The following RPUSD2 variants were observed in gnomAD, a reference collection of about 807,000 sequenced individuals.
RPUSD2 encodes the protein pseudouridylate synthase RPUSD2.
Under a neutral mutation model 41.5 loss-of-function variants are expected in RPUSD2, and 31 were observed. That is an observed-to-expected ratio of 0.75 (90% CI 0.56 to 1.01). The LOEUF (loss-of-function observed/expected upper bound fraction) is 1.01. Ranked by LOEUF, RPUSD2 falls within the 50% of genes least tolerant of loss-of-function variation. The probability of loss-of-function intolerance (pLI) is 0.00; values close to 1 mark genes in which losing one functional copy is unlikely to be tolerated. For missense variants in RPUSD2, 749 were observed against 724.7 expected (o/e 1.03, Z -0.38); for synonymous variants, 305 against 289.7 (o/e 1.05, Z -0.54).
intron 2 of RPUSD2, among the ~76,000 whole-genome samples, chr15:40,573,020 C>CTTTTTTTTTTTTTTTTTT (rs398026953): frequency 5.1e-4 from 49 of 96,740 alleles, no homozygotes; most frequent in South Asian, 1.0e-3. Context: ...CTTTTCTTTT[C>CTTTTTTTTTTTTTTTTTT]TTTTTTTTTT....
chr15:40,572,463 G>T (rs1049370418), intron 2 of RPUSD2, among the ~76,000 whole-genome samples: 1 of 152,012 alleles, frequency 6.6e-6, no homozygotes, highest in Non-Finnish European at 1.5e-5. Flanking sequence ...CTACTCGGGA[G>T]GCTGAGGCAG....
chr15:40,570,475 C>T (rs562036304), intron 1 of RPUSD2, among the ~76,000 whole-genome samples: 44 of 152,288 alleles, frequency 2.9e-4, no homozygotes, highest in African/African-American at 1.0e-3. Context: ...AGCCTATGTT[C>T]CTATAACTAC....
In RPUSD2 at chr15:40,569,942, A is replaced by T. The variant is rs1231087290; in HGVS notation, c.605A>T (p.Lys202Met). Reference sequence around the variant, plus strand: ...GTGCAGGACCTCAACATCGTGCTCAAGGTGGAGTCCTGATGGGGCTGGCCA... The same window carrying T: ...GTGCAGGACCTCAACATCGTGCTCATGGTGGAGTCCTGATGGGGCTGGCCA... The part of the protein sequence containing the change: ...KPVQDLNIVL[K>M]DNDFLRNTVH... Residue 202 changes from lysine (K) to methionine (M), a missense_variant and splice_region_variant, in exon 1 of 3, where the codon AAG (lysine) becomes ATG (methionine). Coordinates refer to ENST00000315616, the MANE Select transcript of RPUSD2 (RefSeq NM_152260.3). 1 of 1,543,464 alleles carries T rather than the reference A, an allele frequency of 6.5e-7. No homozygotes were observed. The highest frequency in any genetic ancestry group is 1.2e-5 in the South Asian group (1 of 84,084).
In RPUSD2 at chr15:40,571,763, T is replaced by C. The variant is rs199748958; in HGVS notation, c.766T>C (p.Phe256Leu). The change falls in exon 2 of 3, where the codon TTC becomes CTC. Residue 256 changes from phenylalanine (F) to leucine (L), a missense_variant. Transcript: ENST00000315616. The part of the protein sequence containing the change: ...CGRFRHNTVI[F>L]ILGKEHQLKE... Reference sequence around the variant, plus strand: ...CCGCTTCCGACACAACACAGTTATCTTCATCCTAGGCAAGGAGCACCAACT... The same window carrying C: ...CCGCTTCCGACACAACACAGTTATCCTCATCCTAGGCAAGGAGCACCAACT... 1 of 1,614,242 alleles carries C rather than the reference T, an allele frequency of 6.2e-7. No individual in the cohort carries two copies. Among genetic ancestry groups the C allele is most frequent in the Non-Finnish European group, 8.5e-7 (1 of 1,180,036 alleles).
At chr15:40,572,547 A>C (rs1891165349) in intron 2 of RPUSD2, among the ~76,000 whole-genome samples, 1 of 149,824 alleles carries the variant, frequency 6.7e-6, no homozygotes, top group South Asian at 2.1e-4. Context: ...CCTGGGTGAC[A>C]GAGTGAGACT....
At chr15:40,571,335 G>GCAAAA (rs1891134271) in intron 1 of RPUSD2, among the ~76,000 whole-genome samples, 8 of 152,296 alleles carry the variant, frequency 5.3e-5, no homozygotes, top group Admixed American at 4.6e-4. Context: ...AATTAGCAAA[G>GCAAAA]CCAAAAAACA....
Position 40,573,985 on chromosome 15 carries a change from G to A in RPUSD2, c.1362G>A (p.Leu454=). The A allele has an allele frequency of 6.2e-7, 1 of 1,614,106 alleles. No homozygotes were observed. Among genetic ancestry groups the A allele is most frequent in the Middle Eastern group, 1.6e-4 (1 of 6,062 alleles). The part of the protein sequence containing the change: ...APSSELGKDD[L]EELAAAAQKM... ...CCTCAGAGTTGGGCAAGGACGACCT[G>A]GAAGAGTTGGCTGCAGCTGCCCAGA... Residue 454 remains leucine, a synonymous_variant, in exon 3 of 3, where the codon CTG becomes CTA. Transcript: ENST00000315616.
intron 2 of RPUSD2, 60 bp downstream of exon 2, chr15:40,571,960 A>G: frequency 1.3e-6 from 2 of 1,541,888 alleles, no homozygotes; most frequent in Non-Finnish European, 1.8e-6. Flanking sequence ...CTCTGTGTCA[A>G]AAGGGCATCA....
At position 40,571,591 on chromosome 15, in the gene RPUSD2, A is replaced by G. The variant is rs1891139666; in HGVS notation, c.607-13A>G. 2.5e-6 allele frequency: 4 copies of G among 1,612,736 alleles called. No individual in the cohort carries two copies. Among genetic ancestry groups the G allele is most frequent in the African/African-American group, 1.3e-5 (1 of 75,022 alleles). ...CGGTCCCTAGGCTGACTTATTACCT[A>G]TGTCTTTGACAGGACAATGATTTCT... On this transcript the variant is annotated splice_polypyrimidine_tract_variant and intron_variant, in intron 1 of 2. Coordinates refer to ENST00000315616, the MANE Select transcript of RPUSD2 (RefSeq NM_152260.3).
Position 40,573,690 on chromosome 15 carries a change from A to T in RPUSD2, c.1067A>T (p.Gln356Leu), listed in dbSNP as rs750538312. Reference sequence around the variant, plus strand: ...TTCCAGAGGCTAAGCTACAATGGCCAGTCCAGTGTGGTACGGTGCCGGCCA... The same window carrying T: ...TTCCAGAGGCTAAGCTACAATGGCCTGTCCAGTGTGGTACGGTGCCGGCCA... Reference protein sequence around the residue: ...TVFQRLSYNGQSSVVRCRPLT... With the variant: ...TVFQRLSYNGLSSVVRCRPLT... Residue 356 changes from glutamine (Q) to leucine (L), a missense_variant, in exon 3 of 3, where the codon CAG becomes CTG. By Grantham distance (113) the Gln-to-Leu change is moderately radical (BLOSUM62 -2). Coordinates refer to ENST00000315616, the MANE Select transcript of RPUSD2 (RefSeq NM_152260.3). 6.2e-7 allele frequency: 1 copy of T among 1,614,210 alleles called. No individual in the cohort carries two copies. The highest frequency in any genetic ancestry group is 1.1e-5 in the South Asian group (1 of 91,090).
rs538404285 is a variant in RPUSD2, at chr15:40,573,715, A to G, written c.1092A>G (p.Pro364=). The change falls in exon 3 of 3, where the codon CCA becomes CCG. Residue 364 remains proline, a synonymous_variant. Transcript: ENST00000315616. ...NGQSSVVRCR[P]LTGRTHQIRV... is the part of the protein sequence containing the mutation. ...AGTCCAGTGTGGTACGGTGCCGGCC[A>G]CTCACAGGCCGCACACACCAGATTC... 93 of 1,614,042 alleles carry G rather than the reference A, an allele frequency of 5.8e-5. No individual in the cohort carries two copies. The South Asian group carries it at 9.7e-4, about 17-fold the overall frequency.
chr15:40,573,814 T>G lies in RPUSD2; in HGVS notation c.1191T>G (p.Ser397=). ...PIYNSVAWGP[S]RGRGGYIPKT... ...ACAACTCAGTTGCCTGGGGTCCTTC[T>G]CGAGGCCGGGGCGGCTACATTCCCA... Residue 397 remains serine, a synonymous_variant, in exon 3 of 3, where the codon TCT becomes TCG. Transcript: ENST00000315616. 6.2e-7 allele frequency: 1 copy of G among 1,614,194 alleles called. No individual in the cohort carries two copies. The highest frequency in any genetic ancestry group is 8.5e-7 in the Non-Finnish European group (1 of 1,180,032).
rs1202283410 is a variant in RPUSD2, at chr15:40,571,890, G to A, written c.893G>A (p.Arg298Gln). ...TCTGAGAGAATTCACGAGCAGGTTC[G>A]GGACCGGCAGGTGAGTCAGGCTTTT... ...AVSERIHEQVRDRQLEKEYVC... is the reference protein window; with the variant it reads ...AVSERIHEQVQDRQLEKEYVC... Residue 298 changes from arginine to glutamine, a missense_variant, in exon 2 of 3, where the codon CGG becomes CAG. Transcript: ENST00000315616. 8 of 1,613,004 alleles carry A rather than the reference G, an allele frequency of 5.0e-6. No individual in the cohort carries two copies. The East Asian group carries it at 6.7e-5, about 13-fold the overall frequency.
At position 40,569,309 on chromosome 15, in the gene RPUSD2, C is replaced by T. The variant is rs1891077418; in HGVS notation, c.-29C>T. The T allele has an allele frequency of 6.3e-6, 9 of 1,433,280 alleles. No individual in the cohort carries two copies. In the Admixed American group the frequency reaches 2.2e-4, roughly 35 times the overall value. The allele number at this position is 1,433,280 out of a possible 1,614,324, so 88.8% of individuals were successfully genotyped here. On this transcript the variant is annotated 5_prime_UTR_variant, in exon 1 of 3. Coordinates refer to ENST00000315616, the MANE Select transcript of RPUSD2 (RefSeq NM_152260.3). The stretch of plus-strand genomic sequence containing the variant: ...CCGAGTGACGTCCTCAGATCGCGAC[C>T]CTGGGAGTGGAGTGGGGGCAGCGTG...
At position 40,574,612 on chromosome 15, in the gene RPUSD2, C is replaced by T. The variant is rs3937684; in HGVS notation, c.*351C>T. The T allele has an allele frequency of 6.3e-4, 112 of 176,792 alleles. No individual in the cohort carries two copies. The highest frequency in any genetic ancestry group is 5.3e-3 in the South Asian group (37 of 6,984). The allele number at this position is 176,792 out of a possible 1,614,324, so 11.0% of individuals were successfully genotyped here. ...GTAGAAGTGAAAGGATCACTGGAGG[C>T]CAAGAGTTCAAGGTTAAAGTGAACT... is the stretch of plus-strand genomic sequence containing the variant. On this transcript the variant is annotated 3_prime_UTR_variant, in exon 3 of 3. Transcript: ENST00000315616.
intron 2 of RPUSD2, 52 bp downstream of exon 2, chr15:40,571,952 C>G: frequency 1.3e-6 from 2 of 1,568,664 alleles, no homozygotes; most frequent in South Asian, 1.2e-5. Context: ...CACGAATGCT[C>G]TGTGTCAAAA....
chr15:40,573,009 T>C (rs185463740), intron 2 of RPUSD2, among the ~76,000 whole-genome samples: 2 of 128,544 alleles, frequency 1.6e-5, no homozygotes, highest in South Asian at 2.5e-4. Context: ...TAAATGCTTT[T>C]CTTTTCTTTT....
intron 2 of RPUSD2, among the ~76,000 whole-genome samples, chr15:40,572,758 A>T (rs1293575036): frequency 6.6e-6 from 1 of 152,102 alleles, no homozygotes; most frequent in African/African-American, 2.4e-5. Flanking sequence ...ATAAGAAAAT[A>T]AAGTGCTGAC....
chr15:40,569,946 G>A lies in RPUSD2; in HGVS notation c.606+3G>A, dbSNP rs1250163345. On this transcript the variant is annotated splice_donor_region_variant and intron_variant, in intron 1 of 2. Transcript: ENST00000315616. ...AGGACCTCAACATCGTGCTCAAGGT[G>A]GAGTCCTGATGGGGCTGGCCAGAAG... is the stretch of plus-strand genomic sequence containing the variant. The A allele has an allele frequency of 6.5e-7, 1 of 1,540,140 alleles. No homozygotes were observed. Among genetic ancestry groups the A allele is most frequent in the South Asian group, 1.2e-5 (1 of 83,806 alleles).
Sources: gnomAD v4.1 joint callset for allele counts (sites outside exome capture counted in the v4.1 genomes callset) on GRCh38, gnomAD v4.1.1 for gene constraint, MANE v1.5 for transcripts, NCBI Gene and HGNC (gene_info 2026-07-23, HGNC 2026-07-21) for gene names.